PTK2B: variants seen among roughly 807,000 people sequenced by gnomAD.
PTK2B encodes the protein protein tyrosine kinase 2 beta.
In PTK2B, 71 loss-of-function variants were observed where a neutral mutation model predicts 142.9. The observed-to-expected ratio is 0.50, with a 90% CI of 0.41 to 0.61. PTK2B has a LOEUF of 0.61. Among genes scored for constraint, PTK2B ranks in the 20% least tolerant of loss-of-function variants. The pLI is 0.00. For missense variants in PTK2B, 1,105 were observed against 1,320.4 expected, an observed-to-expected ratio of 0.84 and a Z score of 2.53; for synonymous variants, 519 against 503.4, an observed-to-expected ratio of 1.03 and a Z score of -0.42.
intron 26 of PTK2B, 70 bp from the exon 27 acceptor site, chr8:27,451,415 G>C (rs1811804247): frequency 6.2e-7 from 1 of 1,603,368 alleles, no homozygotes; most frequent in African/African-American, 1.3e-5. Context: ...TGGGGAATGG[G>C]TAACCAGGGA....
chr8:27,393,805 C>T (rs982089880), intron 1 of PTK2B, among the ~76,000 whole-genome samples: 5 of 152,034 alleles, frequency 3.3e-5, no homozygotes, highest in Admixed American at 6.5e-5. Flanking sequence ...CCCAGAGTGG[C>T]GCATTTGTCA....
At chr8:27,401,166 C>A (rs998483823) in intron 2 of PTK2B, among the ~76,000 whole-genome samples, 6 of 151,964 alleles carry the variant, frequency 3.9e-5, no homozygotes, top group African/African-American at 1.2e-4. Flanking sequence ...AAGTGGGAAA[C>A]CTGGGGAAAT....
intron 1 of PTK2B, among the ~76,000 whole-genome samples, chr8:27,352,101 G>A (rs1187879770): frequency 6.6e-6 from 1 of 152,210 alleles, no homozygotes; most frequent in African/African-American, 2.4e-5. Flanking sequence ...CGGCGGGGGG[G>A]CTGCCTGTCC....
chr8:27,443,189 G>A (rs1811265908), intron 22 of PTK2B, among the ~76,000 whole-genome samples: 1 of 152,226 alleles, frequency 6.6e-6, no homozygotes, highest in Non-Finnish European at 1.5e-5. Flanking sequence ...TGGGATAGCT[G>A]GGTCAAGAAT....
chr8:27,448,595 T>C (rs1320440552), intron 24 of PTK2B, among the ~76,000 whole-genome samples: 1 of 121,746 alleles, frequency 8.2e-6, no homozygotes, highest in Non-Finnish European at 1.7e-5. Flanking sequence ...TCAACACTTA[T>C]AAACTTACAA....
intron 3 of PTK2B, among the ~76,000 whole-genome samples, chr8:27,315,600 G>A (rs1452336726): frequency 6.6e-6 from 1 of 150,974 alleles, no homozygotes; most frequent in Non-Finnish European, 1.5e-5. Context: ...GTTTCATTCT[G>A]TTCTTACCTG....
At chr8:27,401,976 G>A (rs1057216063) in intron 2 of PTK2B, among the ~76,000 whole-genome samples, 3 of 152,032 alleles carry the variant, frequency 2.0e-5, no homozygotes, top group African/African-American at 7.2e-5. Flanking sequence ...ACTTTGGAAA[G>A]CAATAATATG....
At chr8:27,355,197 G>A (rs1805328879) in intron 1 of PTK2B, among the ~76,000 whole-genome samples, 1 of 152,210 alleles carries the variant, frequency 6.6e-6, no homozygotes, top group Non-Finnish European at 1.5e-5. Flanking sequence ...ATAGTGGAAT[G>A]GGGAGATTAT....
At chr8:27,311,321 T>A, upstream of PTK2B, 2 of 1,405,666 alleles carry the variant, frequency 1.4e-6, no homozygotes, top group Non-Finnish European at 1.9e-6. Flanking sequence ...ACCCGAGTGC[T>A]GGGAATCGCC....
intron 1 of PTK2B, among the ~76,000 whole-genome samples, chr8:27,331,006 C>G (rs1803713072): frequency 6.6e-6 from 1 of 152,154 alleles, no homozygotes; most frequent in Admixed American, 6.5e-5. Flanking sequence ...TGGCTGTGTT[C>G]GCTAACATCT....
At position 27,407,575 on chromosome 8, in the gene PTK2B, C is replaced by T. The variant is rs890226704; in HGVS notation, c.204+9787C>T. 8.5e-5 allele frequency among the ~76,000 whole-genome samples: 13 copies of T among 152,256 alleles called. No individual in the cohort carries two copies. In the East Asian group the frequency reaches 2.3e-3, roughly 27 times the overall value. On this transcript the variant is annotated intron_variant, in intron 2 of 30. Coordinates refer to ENST00000346049, the MANE Select transcript of PTK2B (RefSeq NM_173176.3). Reference sequence around the variant, plus strand: ...ATTGCTTCCTTCAACCACCTGTACCCCTCTATAGGGCTCAGCCTTTGGAAG... The same window carrying T: ...ATTGCTTCCTTCAACCACCTGTACCTCTCTATAGGGCTCAGCCTTTGGAAG...
At chr8:27,333,500 C>A (rs761875217) in intron 1 of PTK2B, among the ~76,000 whole-genome samples, 1 of 152,120 alleles carries the variant, frequency 6.6e-6, no homozygotes. Flanking sequence ...GAATAAATTG[C>A]GTAACTCAGA....
intron 14 of PTK2B, among the ~76,000 whole-genome samples, 162 bp from the exon 15 acceptor site, chr8:27,436,089 A>G (rs1239965311): frequency 6.6e-6 from 1 of 152,148 alleles, no homozygotes; most frequent in African/African-American, 2.4e-5. Context: ...GGTCTGAGAC[A>G]GTGGAACATT....
chr8:27,414,349 A>G (rs1391120684), intron 2 of PTK2B, among the ~76,000 whole-genome samples: 1 of 151,800 alleles, frequency 6.6e-6, no homozygotes, highest in East Asian at 1.9e-4. Flanking sequence ...GGTTCACACC[A>G]TTCTCCTGCC....
At chr8:27,406,142 A>G (rs1808700186) in intron 2 of PTK2B, among the ~76,000 whole-genome samples, 1 of 152,142 alleles carries the variant, frequency 6.6e-6, no homozygotes, top group African/African-American at 2.4e-5. Flanking sequence ...CTTCACTCCA[A>G]CTTCTGCTTC....
chr8:27,445,483 C>T lies in PTK2B; in HGVS notation c.2215-311C>T, dbSNP rs530328653. On this transcript the variant is annotated intron_variant, in intron 23 of 30. Transcript: ENST00000346049. ...TAACCACATCAGTCAGTCTGTAATG[C>T]AACTGAAACAACTATTTTTTGAAGA... Among the ~76,000 whole-genome samples, 3 of 152,202 alleles carry T rather than the reference C, an allele frequency of 2.0e-5. No homozygotes were observed. In the East Asian group the frequency reaches 5.8e-4, roughly 29 times the overall value.
In PTK2B at chr8:27,457,348, T is replaced by A. The variant is rs1349344993; in HGVS notation, c.2815-946T>A. 2.0e-5 allele frequency among the ~76,000 whole-genome samples: 3 copies of A among 152,362 alleles called. No homozygotes were observed. In the East Asian group the frequency reaches 5.8e-4, roughly 29 times the overall value. On this transcript the variant is annotated intron_variant, in intron 30 of 30. Transcript: ENST00000346049. ...AAAAAAGACTATCTTCAAATATTAC[T>A]ACTCATTGACAGTGCATCTACTCAA...
chr8:27,382,556 GT>G (rs759152107), intron 1 of PTK2B, among the ~76,000 whole-genome samples: 2,996 of 146,490 alleles, frequency 0.02, 99 homozygotes, highest in African/African-American at 0.069. Context: ...TGCTGTCTCT[GT>G]TTTTTTTTTT....
chr8:27,320,965 T>C (rs375994907), upstream of PTK2B, among the ~76,000 whole-genome samples: 2 of 127,692 alleles, frequency 1.6e-5, no homozygotes, highest in South Asian at 5.2e-4. Context: ...AGGCATCTCA[T>C]TGGCATACAA....
Sources: allele counts gnomAD v4.1 joint callset (sites outside exome capture counted in the v4.1 genomes callset), GRCh38; gene constraint gnomAD v4.1.1; transcripts MANE v1.5; gene names NCBI Gene and HGNC (gene_info 2026-07-23, HGNC 2026-07-21).